Variants in GALNTL6 observed in about 807,000 individuals in gnomAD.
The protein encoded by GALNTL6 is polypeptide N-acetylgalactosaminyltransferase-like 6.
GALNTL6 carries 46 observed loss-of-function variants against 73.7 expected under a neutral mutation model. That is an observed-to-expected ratio of 0.62 (90% CI 0.49 to 0.80). The LOEUF (loss-of-function observed/expected upper bound fraction) is 0.80, where lower values mean the gene tolerates loss of function less well. Ranked by LOEUF, GALNTL6 falls within the 30% of genes least tolerant of loss-of-function variation. The probability of loss-of-function intolerance (pLI) is 0.00; values close to 1 mark genes in which losing one functional copy is unlikely to be tolerated. For missense variants in GALNTL6, 604 were observed against 755.0 expected (o/e 0.80, Z 2.34); for synonymous variants, 259 against 263.7 (o/e 0.98, Z 0.17).
At chr4:172,726,648 A>G (rs1732914818) in intron 5 of GALNTL6, among the ~76,000 whole-genome samples, 1 of 152,234 alleles carries the variant, frequency 6.6e-6, no homozygotes, top group African/African-American at 2.4e-5. Context: ...ACAGTGATGA[A>G]GAATAGGAAA....
At chr4:171,870,768 G>A (rs1736114077) in intron 2 of GALNTL6, among the ~76,000 whole-genome samples, 1 of 152,130 alleles carries the variant, frequency 6.6e-6, no homozygotes, top group Non-Finnish European at 1.5e-5. Flanking sequence ...CATACTGGAG[G>A]GGAGGTCTAT....
At chr4:171,984,323 C>T (rs1258510717) in intron 2 of GALNTL6, among the ~76,000 whole-genome samples, 1 of 152,160 alleles carries the variant, frequency 6.6e-6, no homozygotes. Context: ...GTACCAGCTT[C>T]CTGTCTTAAG....
intron 5 of GALNTL6, among the ~76,000 whole-genome samples, chr4:172,365,275 C>T (rs971914562): frequency 6.6e-6 from 1 of 151,870 alleles, no homozygotes; most frequent in African/African-American, 2.4e-5. Flanking sequence ...TGACCTCTCC[C>T]TGGTCAGAGG....
intron 2 of GALNTL6, among the ~76,000 whole-genome samples, chr4:171,969,127 G>T (rs542060586): frequency 3.3e-5 from 5 of 152,050 alleles, no homozygotes; most frequent in Non-Finnish European, 5.9e-5. Context: ...GAGCCACCGC[G>T]CCTGGCCTAT....
At chr4:172,177,786 T>C (rs1367883785) in intron 2 of GALNTL6, among the ~76,000 whole-genome samples, 5 of 140,790 alleles carry the variant, frequency 3.6e-5, no homozygotes, top group African/African-American at 1.2e-4. Flanking sequence ...TATATACACA[T>C]GTGTATATAT....
At chr4:172,463,553 C>T (rs1295529346) in intron 5 of GALNTL6, among the ~76,000 whole-genome samples, 2 of 152,174 alleles carry the variant, frequency 1.3e-5, no homozygotes, top group Non-Finnish European at 2.9e-5. Context: ...CTATGCCATG[C>T]ACTGTACTAG....
At chr4:172,791,227 G>A (rs1208130093) in intron 5 of GALNTL6, among the ~76,000 whole-genome samples, 1 of 152,204 alleles carries the variant, frequency 6.6e-6, no homozygotes, top group African/African-American at 2.4e-5. Flanking sequence ...TTTAGGGTGA[G>A]GGCAAGACAC....
intron 5 of GALNTL6, among the ~76,000 whole-genome samples, chr4:172,530,116 C>A (rs927490185): frequency 3.9e-5 from 6 of 152,084 alleles, no homozygotes; most frequent in East Asian, 3.9e-4. Flanking sequence ...ATTTTAAATT[C>A]TTCTATAAGC....
At chr4:172,616,702 A>G (rs2111061508) in intron 5 of GALNTL6, among the ~76,000 whole-genome samples, 2 of 152,178 alleles carry the variant, frequency 1.3e-5, no homozygotes, top group East Asian at 3.9e-4. Context: ...TATGACATCC[A>G]TGTGCTCCAA....
chr4:172,061,104 T>A (rs1217056348), intron 2 of GALNTL6, among the ~76,000 whole-genome samples: 1 of 152,154 alleles, frequency 6.6e-6, no homozygotes, highest in East Asian at 1.9e-4. Flanking sequence ...AGAAATCAGT[T>A]ATTGTACAAA....
At chr4:172,207,700 T>C (rs1736185399) in intron 2 of GALNTL6, among the ~76,000 whole-genome samples, 2 of 152,122 alleles carry the variant, frequency 1.3e-5, no homozygotes. Flanking sequence ...CTATGTGACC[T>C]TCAGTACTTG....
intron 4 of GALNTL6, among the ~76,000 whole-genome samples, chr4:172,337,615 A>G (rs1278289509): frequency 6.7e-6 from 1 of 149,642 alleles, no homozygotes; most frequent in African/African-American, 2.5e-5. Context: ...CAAGGTTTCT[A>G]CTGGGAAGTT....
chr4:171,925,629 A>T (rs1447188346), intron 2 of GALNTL6, among the ~76,000 whole-genome samples: 1 of 152,196 alleles, frequency 6.6e-6, no homozygotes, highest in African/African-American at 2.4e-5. Flanking sequence ...AAGTGACTAC[A>T]TCTCCATTTT....
chr4:173,034,496 C>A (rs762014618), intron 12 of GALNTL6, among the ~76,000 whole-genome samples: 2 of 152,196 alleles, frequency 1.3e-5, no homozygotes, highest in African/African-American at 4.8e-5. Context: ...CAAGACCCAA[C>A]CTCCATCACC....
chr4:171,862,616 CTT>C lies in GALNTL6; in HGVS notation c.138+47899_138+47900del, dbSNP rs556017847. Among the ~76,000 whole-genome samples the C allele has an allele frequency of 5.2e-3, 797 of 151,840 alleles. 5 individuals are homozygous for C. Among genetic ancestry groups the C allele is most frequent in the African/African-American group, 0.018 (750 of 41,400 alleles). ...CAAGGCTTTTTTTAAACGTAAATGA[CTT>C]ATGGTATTGAAATTATGCCTTATTA... On this transcript the variant is annotated intron_variant, in intron 2 of 12. Coordinates refer to ENST00000506823, the MANE Select transcript of GALNTL6 (RefSeq NM_001034845.3).
At chr4:172,433,758 C>G (rs1731544716) in intron 5 of GALNTL6, among the ~76,000 whole-genome samples, 2 of 152,130 alleles carry the variant, frequency 1.3e-5, no homozygotes, top group Admixed American at 6.6e-5. Context: ...CTCCCAAACC[C>G]AGCAGAAGAT....
intron 2 of GALNTL6, among the ~76,000 whole-genome samples, chr4:172,041,134 T>G (rs1742077038): frequency 6.6e-6 from 1 of 152,134 alleles, no homozygotes; most frequent in South Asian, 2.1e-4. Flanking sequence ...TAATTTTACA[T>G]GATGTTGATG....
chr4:172,604,684 A>G (rs1022701788), intron 5 of GALNTL6, among the ~76,000 whole-genome samples: 3 of 152,238 alleles, frequency 2.0e-5, no homozygotes, highest in African/African-American at 4.8e-5. Context: ...ACAGTTCTTA[A>G]TATTTCCTAG....
Position 171,937,339 on chromosome 4 carries a change from CTG to C in GALNTL6, c.138+122623_138+122624del, listed in dbSNP as rs767131238. Among the ~76,000 whole-genome samples, 10 of 152,032 alleles carry C rather than the reference CTG, an allele frequency of 6.6e-5. 1 individual carries two copies. Among genetic ancestry groups the C allele is most frequent in the Non-Finnish European group, 1.3e-4 (9 of 67,982 alleles). ...TACTTATTTTTCCAATTATGTAAGT[CTG>C]TATGAAACAGCTGTGTATTCCTTAA... On this transcript the variant is annotated intron_variant, in intron 2 of 12. Coordinates refer to ENST00000506823, the MANE Select transcript of GALNTL6 (RefSeq NM_001034845.3).
Sources: gnomAD v4.1 joint callset for allele counts (sites outside exome capture counted in the v4.1 genomes callset) on GRCh38, gnomAD v4.1.1 for gene constraint, MANE v1.5 for transcripts, NCBI Gene and HGNC (gene_info 2026-07-23, HGNC 2026-07-21) for gene names.